PLSCR4: variants seen among roughly 807,000 people sequenced by gnomAD.
The protein encoded by PLSCR4 is phospholipid scramblase 4, also known as Ca(2+)-dependent phospholipid scramblase 4.
In PLSCR4, 25 loss-of-function variants were observed where a neutral mutation model predicts 36.3. That is an observed-to-expected ratio of 0.69 (90% CI 0.50 to 0.96). The LOEUF (loss-of-function observed/expected upper bound fraction) is 0.96. PLSCR4 is among the 40% of genes least tolerant of loss of function. The probability of loss-of-function intolerance (pLI) is 0.00; values close to 1 mark genes in which losing one functional copy is unlikely to be tolerated. For synonymous variants in PLSCR4, 122 were observed against 132.9 expected, an observed-to-expected ratio of 0.92 and a Z score of 0.56; for missense variants, 408 against 414.7, an observed-to-expected ratio of 0.98 and a Z score of 0.14.
At chr3:146,199,644 T>C (rs1431954384) in intron 6 of PLSCR4, among the ~76,000 whole-genome samples, 169 bp downstream of exon 6, 1 of 152,128 alleles carries the variant, frequency 6.6e-6, no homozygotes, top group East Asian at 1.9e-4. Flanking sequence ...GAAAAAATCC[T>C]CTATGATTTT....
In PLSCR4 at chr3:146,231,181, C is replaced by G. The variant is rs572266595; in HGVS notation, c.-21-9089G>C. Among the ~76,000 whole-genome samples the G allele has an allele frequency of 2.6e-4, 40 of 152,260 alleles. 1 individual carries two copies. In the South Asian group the frequency reaches 8.3e-3, roughly 32 times the overall value. ...ATGGCCTCCAACTGCATCCATGTTG[C>G]TATATAGGACATGATTCCCTTCTTT... On this transcript the variant is annotated intron_variant, in intron 1 of 8. Transcript: ENST00000354952.
intron 4 of PLSCR4, among the ~76,000 whole-genome samples, chr3:146,203,578 C>A (rs1194834962): frequency 6.6e-6 from 1 of 152,016 alleles, no homozygotes; most frequent in Admixed American, 6.6e-5. Context: ...GCAGCTTCTA[C>A]ATCAGGACTT....
At chr3:146,240,479 C>T (rs2036105706) in intron 1 of PLSCR4, among the ~76,000 whole-genome samples, 1 of 152,096 alleles carries the variant, frequency 6.6e-6, no homozygotes, top group African/African-American at 2.4e-5. Context: ...GTGGCATGTA[C>T]CCGTAGTCCC....
intron 4 of PLSCR4, among the ~76,000 whole-genome samples, chr3:146,205,611 T>TA (rs1435471082): frequency 6.6e-6 from 1 of 152,088 alleles, no homozygotes; most frequent in African/African-American, 2.4e-5. Flanking sequence ...ATACTATGGA[T>TA]AACATCTACA....
intron 1 of PLSCR4, among the ~76,000 whole-genome samples, chr3:146,240,713 T>TC (rs55662357): frequency 0.66 from 99,647 of 151,974 alleles, 35,661 homozygotes; most frequent in Non-Finnish European, 0.8. Context: ...ATCGAAACCT[T>TC]CATATGTCGC....
intron 1 of PLSCR4, among the ~76,000 whole-genome samples, chr3:146,234,600 G>T (rs750402298): frequency 1.3e-5 from 2 of 151,992 alleles, no homozygotes; most frequent in Non-Finnish European, 2.9e-5. Flanking sequence ...ATGAATTTGG[G>T]GGACACACAG....
intron 1 of PLSCR4, among the ~76,000 whole-genome samples, chr3:146,225,999 G>A (rs749136362): frequency 2.6e-5 from 4 of 152,324 alleles, no homozygotes; most frequent in East Asian, 1.9e-4. Flanking sequence ...ATGATTCCAC[G>A]TAAGAATGTT....
At chr3:146,215,918 T>C (rs2034872494) in intron 3 of PLSCR4, among the ~76,000 whole-genome samples, 1 of 152,180 alleles carries the variant, frequency 6.6e-6, no homozygotes, top group Non-Finnish European at 1.5e-5. Flanking sequence ...AGGGAAGGGA[T>C]TGACATCTCC....
intron 1 of PLSCR4, among the ~76,000 whole-genome samples, chr3:146,225,170 G>A (rs1371966334): frequency 1.3e-5 from 2 of 150,336 alleles, no homozygotes; most frequent in African/African-American, 2.5e-5. Flanking sequence ...ACAGGGTGCT[G>A]ATTGGTGTAT....
At chr3:146,226,924 A>G (rs2035502910) in intron 1 of PLSCR4, among the ~76,000 whole-genome samples, 1 of 152,224 alleles carries the variant, frequency 6.6e-6, no homozygotes, top group Non-Finnish European at 1.5e-5. Flanking sequence ...AAGTCTGTTT[A>G]CCTTCCATCT....
At chr3:146,237,183 T>C (rs2035954045) in intron 1 of PLSCR4, among the ~76,000 whole-genome samples, 1 of 152,168 alleles carries the variant, frequency 6.6e-6, no homozygotes, top group Non-Finnish European at 1.5e-5. Context: ...GCTATACTAA[T>C]CTTATACAAA....
intron 1 of PLSCR4, among the ~76,000 whole-genome samples, chr3:146,234,107 G>C (rs1173837569): frequency 1.3e-5 from 2 of 152,092 alleles, no homozygotes; most frequent in Admixed American, 6.5e-5. Context: ...TAAACAGAAT[G>C]AATGAACAGC....
intron 7 of PLSCR4, 92 bp downstream of exon 7, chr3:146,196,540 C>G: frequency 8.4e-7 from 1 of 1,195,138 alleles, no homozygotes; most frequent in Non-Finnish European, 1.2e-6. Context: ...TATTCATTCA[C>G]ATTAAAAAAA....
chr3:146,216,776 C>T (rs1474080641), intron 3 of PLSCR4, among the ~76,000 whole-genome samples: 1 of 152,182 alleles, frequency 6.6e-6, no homozygotes, highest in African/African-American at 2.4e-5. Context: ...TGGGCCTATA[C>T]ACTGGATTGG....
intron 5 of PLSCR4, among the ~76,000 whole-genome samples, chr3:146,200,284 A>T (rs970780818): frequency 6.6e-6 from 1 of 152,106 alleles, no homozygotes; most frequent in Non-Finnish European, 1.5e-5. Flanking sequence ...ACATAAAAGA[A>T]AAGATTGAAA....
Position 146,214,374 on chromosome 3 carries a change from T to C in PLSCR4, c.118+6441A>G, listed in dbSNP as rs1299320818. On this transcript the variant is annotated intron_variant, in intron 3 of 8. Coordinates refer to ENST00000354952, the MANE Select transcript of PLSCR4 (RefSeq NM_020353.3). ...TCCTGACCTCGTGATCCGCCCGCCT[T>C]GGCCTCCCAAAGTGCTGGGATTACA... is the stretch of plus-strand genomic sequence containing the variant. 4.0e-4 allele frequency among the ~76,000 whole-genome samples: 53 copies of C among 131,214 alleles called. 18 individuals are homozygous for C. The highest frequency in any genetic ancestry group is 7.0e-4 in the African/African-American group (25 of 35,722). The allele number at this position is 131,214 out of a possible 152,430, so 86.1% of individuals were successfully genotyped here.
At chr3:146,222,043 A>T in intron 2 of PLSCR4, 22 bp downstream of exon 2, 1 of 1,243,838 alleles carries the variant, frequency 8.0e-7, no homozygotes, top group Non-Finnish European at 1.1e-6. Flanking sequence ...AAGCATATTC[A>T]AATTTATTCA....
rs376322477 is a variant in PLSCR4, at chr3:146,220,687, A to G, written c.118+128T>C. 48 of 660,330 alleles carry G rather than the reference A, an allele frequency of 7.3e-5. 2 individuals are homozygous for G. The highest frequency in any genetic ancestry group is 4.7e-4 in the East Asian group (17 of 36,422). The allele number at this position is 660,330 out of a possible 1,614,324, so 40.9% of individuals were successfully genotyped here. A position where few individuals can be genotyped will look rare whatever the true frequency, so the allele number is the denominator to read the frequency against. Reference sequence around the variant, plus strand: ...ACTGACATATAGTAAACTATGTGGCACCCTATTGGCATCCAATATTTATTT... The same window carrying G: ...ACTGACATATAGTAAACTATGTGGCGCCCTATTGGCATCCAATATTTATTT... On this transcript the variant is annotated intron_variant, in intron 3 of 8. Coordinates refer to ENST00000354952, the MANE Select transcript of PLSCR4 (RefSeq NM_020353.3).
In PLSCR4 at chr3:146,211,956, T is replaced by A. The variant is rs190865173; in HGVS notation, c.119-5195A>T. 3.0e-4 allele frequency among the ~76,000 whole-genome samples: 45 copies of A among 152,234 alleles called. No homozygotes were observed. The East Asian group carries it at 7.9e-3, about 27-fold the overall frequency. Reference sequence around the variant, plus strand: ...GTACTGTGGTATTGACTTCTGTAGCTTTATAGTAAATTGGAAATTGGGAAT... The same window carrying A: ...GTACTGTGGTATTGACTTCTGTAGCATTATAGTAAATTGGAAATTGGGAAT... On this transcript the variant is annotated intron_variant, in intron 3 of 8. Coordinates refer to ENST00000354952, the MANE Select transcript of PLSCR4 (RefSeq NM_020353.3).
Sources: gnomAD v4.1 joint callset for allele counts (sites outside exome capture counted in the v4.1 genomes callset) on GRCh38, gnomAD v4.1.1 for gene constraint, MANE v1.5 for transcripts, NCBI Gene and HGNC (gene_info 2026-07-23, HGNC 2026-07-21) for gene names.